Variants in DPH6 observed in about 807,000 individuals in gnomAD.
DPH6 encodes diphthine--ammonia ligase.
Under a neutral mutation model 38.2 loss-of-function variants are expected in DPH6, and 33 were observed. That is an observed-to-expected ratio of 0.86 (90% CI 0.65 to 1.15). DPH6 has a LOEUF of 1.15. DPH6 is among the 50% of genes most tolerant of loss of function. The pLI is 0.00. For synonymous variants in DPH6, 108 were observed against 103.0 expected (o/e 1.05, Z -0.30); for missense variants, 325 against 320.0 (o/e 1.02, Z -0.12).
At chr15:35,256,432 G>C (rs914340131) in intron 3 of DPH6, among the ~76,000 whole-genome samples, 3 of 152,052 alleles carry the variant, frequency 2.0e-5, no homozygotes, top group Non-Finnish European at 4.4e-5. Context: ...CCACAGTTAT[G>C]GATTTTTGGA....
chr15:35,149,534 G>C, the DPH6 span, among the ~76,000 whole-genome samples: 7,097 of 152,224 alleles, frequency 0.047, 179 homozygotes, highest in South Asian at 0.1. Context: ...ACTGTGCCTG[G>C]CCCACTAAGT....
chr15:35,538,219 T>C (rs1435433878), intron 3 of DPH6, 55 bp downstream of exon 3: 39 of 1,334,512 alleles, frequency 2.9e-5, no homozygotes, highest in Non-Finnish European at 3.5e-5. Context: ...TCGGCAAATG[T>C]AATTTGTTAA....
At chr15:35,417,518 A>T (rs531549695) in intron 5 of DPH6, among the ~76,000 whole-genome samples, 48 of 152,112 alleles carry the variant, frequency 3.2e-4, no homozygotes, top group African/African-American at 5.5e-4. Context: ...GAAACATTTT[A>T]AAAAAAGTCA....
chr15:35,276,821 G>C (rs1181525883), intron 3 of DPH6, among the ~76,000 whole-genome samples: 2 of 152,124 alleles, frequency 1.3e-5, no homozygotes, highest in Admixed American at 6.5e-5. Flanking sequence ...ATGCTGTTTT[G>C]GTGAGTATGG....
At chr15:35,375,715 G>A (rs1181463801) in intron 7 of DPH6, among the ~76,000 whole-genome samples, 2 of 151,974 alleles carry the variant, frequency 1.3e-5, no homozygotes, top group East Asian at 3.9e-4. Flanking sequence ...ACTACACTAG[G>A]CTCACCCCTA....
At chr15:35,294,894 T>C (rs2052004995) in intron 3 of DPH6, among the ~76,000 whole-genome samples, 1 of 152,166 alleles carries the variant, frequency 6.6e-6, no homozygotes, top group African/African-American at 2.4e-5. Context: ...AGCTAGTTAG[T>C]CGGGAACAGG....
the DPH6 span, among the ~76,000 whole-genome samples, chr15:35,146,080 T>A: frequency 2.1e-5 from 2 of 97,276 alleles, no homozygotes; most frequent in Non-Finnish European, 5.1e-5. Context: ...TGTGTGTGTG[T>A]GTGTGTGTGT....
chr15:35,437,065 G>A lies in DPH6; in HGVS notation c.505+13620C>T, dbSNP rs535751560. On this transcript the variant is annotated intron_variant, in intron 5 of 8. Transcript: ENST00000256538. ...TCCCTAGGCACCCATGTTTACATGG[G>A]TGAAAGCCACTTTGACGCCCATGGT... Among the ~76,000 whole-genome samples the A allele has an allele frequency of 4.6e-5, 7 of 152,144 alleles. No individual in the cohort carries two copies. The East Asian group carries it at 1.4e-3, about 29-fold the overall frequency.
chr15:35,538,622 T>C (rs1181218384), intron 2 of DPH6, among the ~76,000 whole-genome samples, 155 bp from the exon 3 acceptor site: 1 of 152,156 alleles, frequency 6.6e-6, no homozygotes, highest in Non-Finnish European at 1.5e-5. Flanking sequence ...AATAAAAACA[T>C]AAGAATTGCA....
the DPH6 span, among the ~76,000 whole-genome samples, chr15:35,154,192 A>G: frequency 6.6e-6 from 1 of 152,174 alleles, no homozygotes; most frequent in Non-Finnish European, 1.5e-5. Flanking sequence ...TTTCACCATA[A>G]AGAAATGATA....
intron 6 of DPH6, among the ~76,000 whole-genome samples, chr15:35,408,536 C>T (rs6495766): frequency 0.31 from 46,482 of 151,696 alleles, 7,844 homozygotes; most frequent in African/African-American, 0.45. Context: ...CATCAGAATA[C>T]AGCTAATAGT....
intron 3 of DPH6, among the ~76,000 whole-genome samples, chr15:35,279,062 A>T (rs1211606620): frequency 4.1e-5 from 5 of 122,038 alleles, no homozygotes; most frequent in South Asian, 2.6e-4. Flanking sequence ...AAAAAAAAAA[A>T]AAAAAAATAT....
chr15:35,192,501 A>G, the DPH6 span, among the ~76,000 whole-genome samples: 2 of 152,124 alleles, frequency 1.3e-5, no homozygotes, highest in African/African-American at 4.8e-5. Context: ...TTTACTCATC[A>G]TTTCCTTCAT....
intron 3 of DPH6, chr15:35,237,653 A>G: frequency 6.2e-7 from 1 of 1,613,624 alleles, no homozygotes; most frequent in Non-Finnish European, 8.5e-7. Context: ...AGAGCCACTG[A>G]AAAACTTAGA....
At chr15:35,188,403 G>A in the DPH6 span, among the ~76,000 whole-genome samples, 1 of 152,092 alleles carries the variant, frequency 6.6e-6, no homozygotes, top group African/African-American at 2.4e-5. Flanking sequence ...ATGCAGACAG[G>A]CCACCCCAAG....
chr15:35,348,381 C>T (rs1357313007), intron 3 of DPH6, among the ~76,000 whole-genome samples: 1 of 152,136 alleles, frequency 6.6e-6, no homozygotes, highest in Non-Finnish European at 1.5e-5. Flanking sequence ...ATCCAGCTTT[C>T]CCAACATCTT....
intron 3 of DPH6, among the ~76,000 whole-genome samples, chr15:35,532,513 T>C (rs1253157024): frequency 1.3e-5 from 2 of 151,982 alleles, no homozygotes; most frequent in African/African-American, 2.4e-5. Context: ...TGAGAAAAAA[T>C]GGAAGTCTCA....
chr15:35,416,409 A>C (rs1324495498), intron 5 of DPH6, among the ~76,000 whole-genome samples: 1 of 151,992 alleles, frequency 6.6e-6, no homozygotes, highest in Non-Finnish European at 1.5e-5. Context: ...TTTTTTTGGC[A>C]TGAACAATGA....
chr15:35,322,518 A>G (rs2052249546), intron 3 of DPH6, among the ~76,000 whole-genome samples: 1 of 152,220 alleles, frequency 6.6e-6, no homozygotes. Context: ...CCATTTTCTA[A>G]TAATTTTTGG....
Sources: gnomAD v4.1 joint callset for allele counts (sites outside exome capture counted in the v4.1 genomes callset) on GRCh38, gnomAD v4.1.1 for gene constraint, MANE v1.5 for transcripts, NCBI Gene and HGNC (gene_info 2026-07-23, HGNC 2026-07-21) for gene names.